The following MITF variants were observed in gnomAD, a reference collection of about 807,000 sequenced individuals.
MITF encodes the protein microphthalmia-associated transcription factor.
Under a neutral mutation model 60.5 loss-of-function variants are expected in MITF, and 17 were observed. The observed-to-expected ratio is 0.28, with a 90% CI of 0.19 to 0.42. The LOEUF (loss-of-function observed/expected upper bound fraction) is 0.42. Among genes scored for constraint, MITF ranks in the 10% least tolerant of loss-of-function variants. MITF has a pLI of 1.00. For synonymous variants in MITF, 260 were observed against 248.5 expected, an observed-to-expected ratio of 1.05 and a Z score of -0.43; for missense variants, 622 against 683.5, an observed-to-expected ratio of 0.91 and a Z score of 1.00.
chr3:69,770,051 C>G (rs1417085863), intron 1 of MITF, among the ~76,000 whole-genome samples: 1 of 152,146 alleles, frequency 6.6e-6, no homozygotes, highest in African/African-American at 2.4e-5. Flanking sequence ...TTTTTTCACT[C>G]AGATAGATAT....
intron 1 of MITF, among the ~76,000 whole-genome samples, chr3:69,842,855 G>A (rs1178222890): frequency 6.6e-6 from 1 of 152,222 alleles, no homozygotes; most frequent in Non-Finnish European, 1.5e-5. Flanking sequence ...GAGCACTGCT[G>A]TGTGGTGTAA....
chr3:69,890,491 G>A (rs750230668), intron 2 of MITF, among the ~76,000 whole-genome samples: 2 of 152,102 alleles, frequency 1.3e-5, no homozygotes, highest in African/African-American at 2.4e-5. Flanking sequence ...AGGGGACAAG[G>A]AGATTAGTTA....
chr3:69,944,176 C>T (rs2107498760), intron 5 of MITF, among the ~76,000 whole-genome samples: 1 of 152,150 alleles, frequency 6.6e-6, no homozygotes, highest in East Asian at 1.9e-4. Flanking sequence ...AGGCCTTGTT[C>T]CTTCATTATC....
intron 1 of MITF, among the ~76,000 whole-genome samples, chr3:69,843,268 C>T (rs2063672737): frequency 6.6e-6 from 1 of 152,104 alleles, no homozygotes; most frequent in Admixed American, 6.6e-5. Flanking sequence ...AAATCATTTC[C>T]AAAGTGTCAA....
chr3:69,744,683 G>A (rs912060841), intron 1 of MITF, among the ~76,000 whole-genome samples: 3 of 152,280 alleles, frequency 2.0e-5, no homozygotes, highest in African/African-American at 7.2e-5. Flanking sequence ...AAGGTGTTTT[G>A]CATTTGCTTG....
At chr3:69,918,399 A>T (rs1269047706) in intron 2 of MITF, among the ~76,000 whole-genome samples, 2 of 152,174 alleles carry the variant, frequency 1.3e-5, no homozygotes, top group African/African-American at 4.8e-5. Context: ...TTTTCCTGGT[A>T]TTAAGGATGA....
chr3:69,760,781 T>C (rs1473936433), intron 1 of MITF, among the ~76,000 whole-genome samples: 1 of 152,088 alleles, frequency 6.6e-6, no homozygotes, highest in Admixed American at 6.5e-5. Context: ...GTGTAGGCAG[T>C]TTTTGAGGTA....
At chr3:69,936,808 G>A in intron 2 of MITF, 1 of 1,541,680 alleles carries the variant, frequency 6.5e-7, no homozygotes, top group South Asian at 1.1e-5. Flanking sequence ...GCAATAAATT[G>A]ATTTAATCCA....
At chr3:69,763,560 T>G (rs2062242276) in intron 1 of MITF, 2 of 1,150,090 alleles carry the variant, frequency 1.7e-6, no homozygotes, top group African/African-American at 3.3e-5. Flanking sequence ...ATCTCTAATT[T>G]AGCCTTCCTA....
In MITF at chr3:69,939,168, C is replaced by T. The variant is rs182533927; in HGVS notation, c.653C>T (p.Ala218Val). The T allele has an allele frequency of 2.8e-5, 45 of 1,614,006 alleles. No homozygotes were observed. Among genetic ancestry groups the T allele is most frequent in the East Asian group, 1.8e-4 (8 of 44,838 alleles). ...ECPGMNTHSR[A>V]SCMQMDDVID... ...CCAGGCATGAACACACATTCACGAG[C>T]GTCCTGTATGCAGGTACTGAATGAC... Residue 218 changes from alanine (A) to valine (V), a missense_variant, in exon 4 of 10, where the codon GCG (alanine) becomes GTG (valine). Transcript: ENST00000352241.
At chr3:69,953,686 GAGACAGAGAC>G (rs1379379429) in intron 7 of MITF, among the ~76,000 whole-genome samples, 8 of 141,192 alleles carry the variant, frequency 5.7e-5, no homozygotes, top group African/African-American at 2.0e-4. Flanking sequence ...GAGAGAGAGA[GAGACAGAGAC>G]AGAGACAGAG....
At chr3:69,936,832 T>C in intron 2 of MITF, 1 of 1,322,936 alleles carries the variant, frequency 7.6e-7, no homozygotes, top group Admixed American at 1.8e-5. Flanking sequence ...TTTGTTATTG[T>C]AATAGACATA....
At chr3:69,895,562 T>C (rs1349723875) in intron 2 of MITF, among the ~76,000 whole-genome samples, 1 of 152,002 alleles carries the variant, frequency 6.6e-6, no homozygotes, top group Non-Finnish European at 1.5e-5. Flanking sequence ...AAATCCCTAA[T>C]ATTAAAATTT....
chr3:69,799,361 G>T (rs2062880708), intron 1 of MITF, among the ~76,000 whole-genome samples: 1 of 152,136 alleles, frequency 6.6e-6, no homozygotes, highest in Non-Finnish European at 1.5e-5. Flanking sequence ...GTTGGAAAGA[G>T]GAAATAACTG....
At chr3:69,941,149 G>T (rs113780642) in intron 4 of MITF, 87 bp from the exon 5 acceptor site, 15 of 818,630 alleles carry the variant, frequency 1.8e-5, no homozygotes, top group African/African-American at 5.2e-5. Flanking sequence ...TATTGCTTTG[G>T]GTAAAAAAAG....
At chr3:69,840,122 G>C (rs1312365361) in intron 1 of MITF, among the ~76,000 whole-genome samples, 9 of 152,164 alleles carry the variant, frequency 5.9e-5, no homozygotes, top group Admixed American at 5.9e-4. Flanking sequence ...CATCTCTGTT[G>C]CTAAGGGTCA....
At chr3:69,933,676 G>A (rs1363272176) in intron 2 of MITF, among the ~76,000 whole-genome samples, 1 of 152,098 alleles carries the variant, frequency 6.6e-6, no homozygotes, top group Non-Finnish European at 1.5e-5. Flanking sequence ...AAGTATTCTA[G>A]CTTTATTTTG....
At position 69,846,899 on chromosome 3, in the gene MITF, A is replaced by G. The variant is rs572309556; in HGVS notation, c.105-32235A>G. ...TTGTTTAATACAATCCCAGAGATTA[A>G]TGACAAGGAAGATGCCTAGTCCTGA... On this transcript the variant is annotated intron_variant, in intron 1 of 9. Coordinates refer to ENST00000352241, the MANE Select transcript of MITF (RefSeq NM_001354604.2). 2.6e-5 allele frequency among the ~76,000 whole-genome samples: 4 copies of G among 152,154 alleles called. No homozygotes were observed. The South Asian group carries it at 8.3e-4, about 32-fold the overall frequency.
intron 1 of MITF, among the ~76,000 whole-genome samples, chr3:69,814,829 G>C (rs921168622): frequency 2.6e-5 from 4 of 152,106 alleles, no homozygotes; most frequent in Admixed American, 1.3e-4. Context: ...GGCAACAAAG[G>C]CTAAGTATTA....
Sources: gnomAD v4.1 joint callset for allele counts (sites outside exome capture counted in the v4.1 genomes callset) on GRCh38, gnomAD v4.1.1 for gene constraint, MANE v1.5 for transcripts, NCBI Gene and HGNC (gene_info 2026-07-23, HGNC 2026-07-21) for gene names.